Variants in MPDZ observed in about 807,000 individuals in gnomAD.
MPDZ encodes the protein multiple PDZ domain crumbs cell polarity complex component, also known as multiple PDZ domain protein.
A neutral mutation model predicts 239.1 loss-of-function variants in MPDZ; 234 were observed. The observed-to-expected ratio is 0.98, with a 90% CI of 0.88 to 1.09. The LOEUF (loss-of-function observed/expected upper bound fraction) is 1.09, where lower values mean the gene tolerates loss of function less well. Ranked by LOEUF, MPDZ falls within the 50% of genes least tolerant of loss-of-function variation. MPDZ has a pLI of 0.00. For missense variants in MPDZ, 3,175 were observed against 2,510.0 expected (o/e 1.26, Z -5.66); for synonymous variants, 1,048 against 881.3 (o/e 1.19, Z -3.35).
At chr9:13,173,832 C>T (rs1201485563) in intron 21 of MPDZ, among the ~76,000 whole-genome samples, 1 of 152,094 alleles carries the variant, frequency 6.6e-6, no homozygotes, top group African/African-American at 2.4e-5. Context: ...CTTCTTAAAA[C>T]ACAAATCTGC....
At chr9:13,265,939 G>A (rs942715762) in intron 1 of MPDZ, among the ~76,000 whole-genome samples, 1 of 151,994 alleles carries the variant, frequency 6.6e-6, no homozygotes, top group Non-Finnish European at 1.5e-5. Flanking sequence ...CCAACTTCAG[G>A]TTTATATATT....
intron 39 of MPDZ, among the ~76,000 whole-genome samples, chr9:13,116,264 C>T (rs535852557): frequency 4.6e-5 from 7 of 152,206 alleles, no homozygotes; most frequent in African/African-American, 1.4e-4. Context: ...GGATTAAATC[C>T]AGACTATGTG....
At chr9:13,229,132 T>C (rs764928907) in intron 3 of MPDZ, among the ~76,000 whole-genome samples, 6 of 152,128 alleles carry the variant, frequency 3.9e-5, no homozygotes, top group Non-Finnish European at 8.8e-5. Flanking sequence ...TCACTCTGTG[T>C]GAATAACTGT....
intron 1 of MPDZ, among the ~76,000 whole-genome samples, chr9:13,276,255 G>A (rs1031346782): frequency 6.6e-6 from 1 of 152,128 alleles, no homozygotes; most frequent in African/African-American, 2.4e-5. Flanking sequence ...GAAGGCAATG[G>A]ATTCCTCACC....
In MPDZ at chr9:13,192,369, T is replaced by C. The variant is rs187961474; in HGVS notation, c.1804-74A>G. ...CATTCTTTTGAACACAATTTTTTTA[T>C]TAAATATAAATTTTACTATAGTCAT... On this transcript the variant is annotated intron_variant, in intron 14 of 46. Transcript: ENST00000319217. 6.0e-6 allele frequency: 8 copies of C among 1,340,972 alleles called. No individual in the cohort carries two copies. In the Admixed American group the frequency reaches 1.7e-4, roughly 29 times the overall value. 83.1% of individuals were successfully genotyped at this position (1,340,972 alleles called of 1,614,324 possible). A position where few individuals can be genotyped will look rare whatever the true frequency, so the allele number is the denominator to read the frequency against.
intron 39 of MPDZ, among the ~76,000 whole-genome samples, chr9:13,115,911 C>G (rs553155128): frequency 4.1e-5 from 6 of 145,956 alleles, no homozygotes; most frequent in South Asian, 4.4e-4. Context: ...TGCCACTGCA[C>G]TCCACCTGGG....
At position 13,107,014 on chromosome 9, in the gene MPDZ, G is replaced by A. The variant is rs1206280046; in HGVS notation, c.6164C>T (p.Ala2055Val). 2.5e-6 allele frequency: 4 copies of A among 1,613,318 alleles called. No homozygotes were observed. The highest frequency in any genetic ancestry group is 2.2e-5 in the East Asian group (1 of 44,878). The change falls in exon 47 of 47, where the codon GCC (alanine) becomes GTC (valine). Residue 2055 changes from alanine (A) to valine (V), a missense_variant. Ala to Val is a moderately conservative substitution (Grantham distance 64). Transcript: ENST00000319217. ...LEGVTHEEAVAILKRTKGTVT... is the reference protein window; with the variant it reads ...LEGVTHEEAVVILKRTKGTVT... ...AGTGCCTTTTGTCCGTTTAAGGATG[G>A]CAACAGCTTCTTCATGGGTGACTCC...
At chr9:13,107,297 T>C (rs931524289) in intron 46 of MPDZ, among the ~76,000 whole-genome samples, 186 bp from the exon 47 acceptor site, 1 of 152,148 alleles carries the variant, frequency 6.6e-6, no homozygotes, top group African/African-American at 2.4e-5. Context: ...TTCTCCTAAA[T>C]GGTTTTAGCA....
chr9:13,261,625 C>A (rs866907547), intron 1 of MPDZ, among the ~76,000 whole-genome samples: 2 of 152,024 alleles, frequency 1.3e-5, no homozygotes, highest in African/African-American at 4.8e-5. Context: ...AAACAAAGGG[C>A]AGGGAAGCTC....
chr9:13,249,500 T>C (rs949710496), intron 2 of MPDZ, among the ~76,000 whole-genome samples: 1 of 152,118 alleles, frequency 6.6e-6, no homozygotes, highest in Non-Finnish European at 1.5e-5. Context: ...ATCATAGTGA[T>C]CCCACGACCA....
In MPDZ at chr9:13,176,144, C is replaced by T; in HGVS notation, c.2923G>A (p.Ala975Thr). The T allele has an allele frequency of 6.3e-7, 1 of 1,591,418 alleles. No individual in the cohort carries two copies. The highest frequency in any genetic ancestry group is 8.6e-7 in the Non-Finnish European group (1 of 1,167,454). The stretch of plus-strand genomic sequence containing the variant: ...TATCTTTAAAATATTACCTTTCCAG[C>T]TGAATCGGGTAGCACAGAAGGAAGT... ...AELPSVLPDS[A>T]GKGSEYLLEQ... Residue 975 changes from alanine (A) to threonine (T), a missense_variant, in exon 20 of 47, where the codon GCT (alanine) becomes ACT (threonine). Transcript: ENST00000319217.
chr9:13,119,554 T>C lies in MPDZ; in HGVS notation c.5327A>G (p.Asn1776Ser). ...LMQGDQILMV[N>S]GEDVRNATQE... ...GGTGGCATTACGAACGTCTTCCCCA[T>C]TCACCATTAATATCTGGTCTCCCTG... The change falls in exon 39 of 47, where the codon AAT (asparagine) becomes AGT (serine). Residue 1776 changes from asparagine (N) to serine (S), a missense_variant. Coordinates refer to ENST00000319217, the MANE Select transcript of MPDZ (RefSeq NM_001378778.1). 6.2e-7 allele frequency: 1 copy of C among 1,613,826 alleles called. No homozygotes were observed. The highest frequency in any genetic ancestry group is 1.3e-5 in the African/African-American group (1 of 75,056).
At chr9:13,236,662 G>GT (rs1485936537) in intron 3 of MPDZ, among the ~76,000 whole-genome samples, 1 of 151,278 alleles carries the variant, frequency 6.6e-6, no homozygotes, top group Non-Finnish European at 1.5e-5. Context: ...ATATACTTAG[G>GT]TAAAAAAATT....
chr9:13,198,536 G>T (rs71507367), intron 12 of MPDZ, among the ~76,000 whole-genome samples: 1 of 151,592 alleles, frequency 6.6e-6, no homozygotes, highest in Non-Finnish European at 1.5e-5. Flanking sequence ...CATTCTTTGG[G>T]TTGTCTATTT....
Position 13,119,641 on chromosome 9 carries a change from G to A in MPDZ, c.5240C>T (p.Thr1747Ile), listed in dbSNP as rs201064037. The change falls in exon 39 of 47, where the codon ACT becomes ATT. Residue 1747 changes from threonine (T) to isoleucine (I), a missense_variant. Transcript: ENST00000319217. ...GLSIVGKRND[T>I]GVFVSDIVKG... is the part of the protein sequence containing the mutation. ...GACAATGTCTGACACAAATACTCCAGTATCGTTTCTACACACAATTTTGAA... is the reference window on the plus strand; with the variant it reads ...GACAATGTCTGACACAAATACTCCAATATCGTTTCTACACACAATTTTGAA... The A allele has an allele frequency of 2.5e-5, 40 of 1,613,640 alleles. No individual in the cohort carries two copies. The highest frequency in any genetic ancestry group is 3.4e-5 in the Non-Finnish European group (40 of 1,179,808).
At chr9:13,271,305 C>T (rs1972902785) in intron 1 of MPDZ, among the ~76,000 whole-genome samples, 1 of 152,152 alleles carries the variant, frequency 6.6e-6, no homozygotes, top group Non-Finnish European at 1.5e-5. Flanking sequence ...CGGACTCACA[C>T]AGTTGAATCC....
At chr9:13,119,715 A>G (rs746369260) in intron 38 of MPDZ, 66 bp from the exon 39 acceptor site, 3 of 1,598,844 alleles carry the variant, frequency 1.9e-6, no homozygotes, top group Non-Finnish European at 2.6e-6. Context: ...TATTTAATAA[A>G]AAGTTACGTT....
At chr9:13,143,655 C>T (rs1948046720) in intron 26 of MPDZ, 91 bp from the exon 27 acceptor site, 20 of 971,564 alleles carry the variant, frequency 2.1e-5, no homozygotes, top group Middle Eastern at 4.2e-4. Context: ...ATTTAAAGAA[C>T]TGCCTGTGTG....
At chr9:13,160,433 GAAGCACAGTGCTCA>G (rs1455810684) in intron 23 of MPDZ, among the ~76,000 whole-genome samples, 4 of 152,112 alleles carry the variant, frequency 2.6e-5, no homozygotes, top group African/African-American at 4.8e-5. Context: ...GTGCTTGGAG[GAAGCACAGTGCTCA>G]AAGTGGCTTT....
Sources: allele counts gnomAD v4.1 joint callset (sites outside exome capture counted in the v4.1 genomes callset), GRCh38; gene constraint gnomAD v4.1.1; transcripts MANE v1.5; gene names NCBI Gene and HGNC (gene_info 2026-07-23, HGNC 2026-07-21).